Variants in CDC37L1 observed in about 807,000 individuals in gnomAD.
CDC37L1 encodes the protein cell division cycle 37 like 1, HSP90 cochaperone, also known as hsp90 co-chaperone Cdc37-like 1.
In CDC37L1, 32 loss-of-function variants were observed where a neutral mutation model predicts 45.9. That is an observed-to-expected ratio of 0.70 (90% CI 0.53 to 0.94). The LOEUF (loss-of-function observed/expected upper bound fraction) is 0.94. Among genes scored for constraint, CDC37L1 ranks in the 40% least tolerant of loss-of-function variants. The pLI is 0.00. For missense variants in CDC37L1, 434 were observed against 405.7 expected (o/e 1.07, Z -0.60); for synonymous variants, 150 against 133.0 (o/e 1.13, Z -0.88).
In CDC37L1 at chr9:4,688,532, A is replaced by T. The variant is rs1841271665; in HGVS notation, c.434A>T (p.Lys145Ile). ...VFNKSFINQD[K>I]RKDTEDEDKS... is the part of the protein sequence containing the mutation. ...TCTTAGAGTTTTATTAATCAAGATA[A>T]AAGAAAAGACACAGAAGATGAAGAT... is the stretch of plus-strand genomic sequence containing the variant. The change falls in exon 3 of 7, where the codon AAA (lysine) becomes ATA (isoleucine). Residue 145 changes from lysine to isoleucine, a missense_variant. Transcript: ENST00000381854. The T allele has an allele frequency of 6.6e-7, 1 of 1,511,694 alleles. No individual in the cohort carries two copies. Among genetic ancestry groups the T allele is most frequent in the Non-Finnish European group, 8.9e-7 (1 of 1,119,620 alleles). The allele number at this position is 1,511,694 out of a possible 1,614,324, so 93.6% of individuals were successfully genotyped here.
At chr9:4,696,784 A>G (rs1057075937) in intron 3 of CDC37L1, among the ~76,000 whole-genome samples, 2 of 152,242 alleles carry the variant, frequency 1.3e-5, no homozygotes, top group African/African-American at 4.8e-5. Context: ...AATTTGCCCA[A>G]GACTGCGGGC....
intron 3 of CDC37L1, among the ~76,000 whole-genome samples, chr9:4,694,878 G>GA (rs893382168): frequency 1.9e-4 from 28 of 148,368 alleles, no homozygotes; most frequent in Non-Finnish European, 2.8e-4. Flanking sequence ...TCAACAAAAA[G>GA]AAAAAAAAAA....
chr9:4,682,071 G>T (rs974989506), intron 1 of CDC37L1, among the ~76,000 whole-genome samples: 1 of 151,414 alleles, frequency 6.6e-6, no homozygotes, highest in Non-Finnish European at 1.5e-5. Flanking sequence ...TTTGAGAAAA[G>T]AATATTTGCT....
At chr9:4,691,501 G>A (rs151217203) in intron 3 of CDC37L1, among the ~76,000 whole-genome samples, 3 of 152,290 alleles carry the variant, frequency 2.0e-5, no homozygotes, top group African/African-American at 4.8e-5. Context: ...TCTGCAATAG[G>A]AGATGTAATT....
intron 6 of CDC37L1, among the ~76,000 whole-genome samples, chr9:4,705,677 T>C (rs1841434942): frequency 6.6e-6 from 1 of 152,200 alleles, no homozygotes; most frequent in South Asian, 2.1e-4. Flanking sequence ...AAACCATATT[T>C]AAATTATCAG....
intron 2 of CDC37L1, among the ~76,000 whole-genome samples, chr9:4,688,024 G>GT (rs1454549159): frequency 1.3e-5 from 2 of 152,172 alleles, no homozygotes; most frequent in Admixed American, 1.3e-4. Context: ...GTGAGATGGA[G>GT]TCTTGTTCTG....
At chr9:4,693,501 A>G (rs918859261) in intron 3 of CDC37L1, among the ~76,000 whole-genome samples, 12 of 152,114 alleles carry the variant, frequency 7.9e-5, no homozygotes, top group Middle Eastern at 3.2e-3. Context: ...GTAATGAAAG[A>G]GGAAAGGGAA....
Position 4,679,875 on chromosome 9 carries a change from G to T in CDC37L1, c.108G>T (p.Pro36=), listed in dbSNP as rs748887162. The change falls in exon 1 of 7, where the codon CCG becomes CCT. Residue 36 remains proline, a synonymous_variant. Coordinates refer to ENST00000381854, the MANE Select transcript of CDC37L1 (RefSeq NM_017913.4). ...FDVFPSSPRC[P]QLPGGGAQMY... ...TGTTCCCCAGTTCTCCCCGCTGCCC[G>T]CAGCTGCCAGGCGGCGGCGCCCAGG... 1 of 1,613,810 alleles carries T rather than the reference G, an allele frequency of 6.2e-7. No homozygotes were observed. The highest frequency in any genetic ancestry group is 2.2e-5 in the East Asian group (1 of 44,864).
chr9:4,680,481 T>C (rs938433682), intron 1 of CDC37L1, among the ~76,000 whole-genome samples: 1 of 152,204 alleles, frequency 6.6e-6, no homozygotes, highest in African/African-American at 2.4e-5. Flanking sequence ...TTTTTTAGTT[T>C]TGCTTCACGT....
rs946985143 is a variant in CDC37L1 at position 4,686,437 on chromosome 9, G to A, written c.414+1279G>A. On this transcript the variant is annotated intron_variant, in intron 2 of 6. Transcript: ENST00000381854. The stretch of plus-strand genomic sequence containing the variant: ...GTCATTTGCTATATCTGTATATATT[G>A]TTTTAAGGGGTGCATCTTGTGTTAT... 2.0e-5 allele frequency among the ~76,000 whole-genome samples: 3 copies of A among 152,106 alleles called. No individual in the cohort carries two copies. In the East Asian group the frequency reaches 5.8e-4, roughly 29 times the overall value.
rs180728921 is a variant in CDC37L1 at position 4,685,290 on chromosome 9, C to G, written c.414+132C>G. 3.1e-5 allele frequency: 23 copies of G among 744,628 alleles called. No individual in the cohort carries two copies. In the African/African-American group the frequency reaches 3.2e-4, roughly 10 times the overall value. 46.1% of individuals were successfully genotyped at this position (744,628 alleles called of 1,614,324 possible). Reference sequence around the variant, plus strand: ...CAATTTTGACAGTTTATGAAAGGTGCTTGAAAAGTTTATGAAAGTCAAAAA... The same window carrying G: ...CAATTTTGACAGTTTATGAAAGGTGGTTGAAAAGTTTATGAAAGTCAAAAA... On this transcript the variant is annotated intron_variant, in intron 2 of 6. Transcript: ENST00000381854.
chr9:4,696,916 G>T (rs1027864181), intron 3 of CDC37L1, among the ~76,000 whole-genome samples, 180 bp from the exon 4 acceptor site: 2 of 152,166 alleles, frequency 1.3e-5, no homozygotes, highest in Non-Finnish European at 2.9e-5. Flanking sequence ...GCTTTAAAGA[G>T]TACTGTCCCT....
At chr9:4,701,791 A>T in intron 5 of CDC37L1, 73 bp from the exon 6 acceptor site, 1 of 1,168,082 alleles carries the variant, frequency 8.6e-7, no homozygotes, top group Non-Finnish European at 1.2e-6. Flanking sequence ...AACCTGTTAT[A>T]TGCTTTCTGG....
intron 5 of CDC37L1, among the ~76,000 whole-genome samples, chr9:4,700,201 G>A (rs1841384042): frequency 6.6e-6 from 1 of 152,168 alleles, no homozygotes; most frequent in African/African-American, 2.4e-5. Flanking sequence ...TGTCACTCAG[G>A]CTAGAGTGCA....
At chr9:4,691,087 G>A (rs1841295830) in intron 3 of CDC37L1, among the ~76,000 whole-genome samples, 1 of 152,168 alleles carries the variant, frequency 6.6e-6, no homozygotes, top group Admixed American at 6.5e-5. Context: ...GAAGATTTCT[G>A]TTGTATGCTT....
chr9:4,688,540 GAC>G lies in CDC37L1; in HGVS notation c.446_447del (p.Thr149ArgfsTer3). 2.0e-6 allele frequency: 3 copies of G among 1,521,206 alleles called. No homozygotes were observed. Among genetic ancestry groups the G allele is most frequent in the Non-Finnish European group, 2.7e-6 (3 of 1,129,502 alleles). The allele number at this position is 1,521,206 out of a possible 1,614,324, so 94.2% of individuals were successfully genotyped here. ...KSFINQDKRK[D>X]TEDEDKSESF... Reference sequence around the variant, plus strand: ...TTTTATTAATCAAGATAAAAGAAAAGACACAGAAGATGAAGATAAATCAGAAT... The same window carrying G: ...TTTTATTAATCAAGATAAAAGAAAAGACAGAAGATGAAGATAAATCAGAAT... On this transcript the variant is annotated frameshift_variant, in exon 3 of 7. Transcript: ENST00000381854. LOFTEE classifies it high-confidence loss of function.
At chr9:4,698,603 T>A (rs1841370429) in intron 5 of CDC37L1, among the ~76,000 whole-genome samples, 1 of 152,004 alleles carries the variant, frequency 6.6e-6, no homozygotes, top group Admixed American at 6.6e-5. Context: ...ACAACCACTT[T>A]AAAAAATTTC....
intron 2 of CDC37L1, among the ~76,000 whole-genome samples, chr9:4,686,881 A>G (rs774531116): frequency 2.0e-5 from 3 of 152,220 alleles, no homozygotes; most frequent in African/African-American, 7.2e-5. Flanking sequence ...GATTCCAATG[A>G]TGTAGTGCCA....
At chr9:4,698,130 T>A (rs1000953701) in intron 5 of CDC37L1, among the ~76,000 whole-genome samples, 6 of 152,192 alleles carry the variant, frequency 3.9e-5, no homozygotes, top group African/African-American at 1.4e-4. Context: ...TTCAGGAAAC[T>A]TACGTTCCAT....
Sources: gnomAD v4.1 joint callset for allele counts (sites outside exome capture counted in the v4.1 genomes callset) on GRCh38, gnomAD v4.1.1 for gene constraint, MANE v1.5 for transcripts, NCBI Gene and HGNC (gene_info 2026-07-23, HGNC 2026-07-21) for gene names.